The following DACH2 variants were observed in gnomAD, a reference collection of about 807,000 sequenced individuals.
DACH2 encodes dachshund family transcription factor 2.
DACH2 carries 17 observed loss-of-function variants against 35.8 expected under a neutral mutation model. The ratio of observed to expected loss-of-function variants is 0.48; its 90% confidence interval spans 0.33 to 0.71. The LOEUF (loss-of-function observed/expected upper bound fraction) is 0.71, where lower values mean the gene tolerates loss of function less well. Among genes scored for constraint, DACH2 ranks in the 30% least tolerant of loss-of-function variants. The probability of loss-of-function intolerance (pLI) is 0.02; values close to 1 mark genes in which losing one functional copy is unlikely to be tolerated. For synonymous variants in DACH2, 195 were observed against 177.3 expected (o/e 1.10, Z -0.79); for missense variants, 469 against 472.7 (o/e 0.99, Z 0.07).
chrX:86,416,120 T>C (rs2036699573), intron 2 of DACH2, among the ~76,000 whole-genome samples: 1 of 111,935 alleles, frequency 8.9e-6, no homozygotes, highest in Non-Finnish European at 1.9e-5. Context: ...CTGAAAAATA[T>C]ATGTTTAGGG....
intron 4 of DACH2, among the ~76,000 whole-genome samples, chrX:86,651,450 A>G (rs771590346): frequency 9.4e-6 from 1 of 106,528 alleles, no homozygotes; most frequent in East Asian, 3.5e-4. Context: ...CTGCCTGACA[A>G]AGACTGGTCC....
At chrX:86,174,295 A>G (rs948339265) in intron 1 of DACH2, among the ~76,000 whole-genome samples, 4 of 108,890 alleles carry the variant, frequency 3.7e-5, no homozygotes, top group African/African-American at 1.3e-4. Flanking sequence ...GGTAATTTAA[A>G]TAATTTATTT....
chrX:86,735,442 A>G (rs935997380), intron 6 of DACH2, among the ~76,000 whole-genome samples: 2 of 111,813 alleles, frequency 1.8e-5, no homozygotes, highest in African/African-American at 6.5e-5. Flanking sequence ...AATTTGATAA[A>G]ATGGGCAACA....
rs764390194 is a variant in DACH2 at position 86,813,191 on chromosome X, A to G, written c.1451A>G (p.Lys484Arg). 3 of 1,207,867 alleles carry G rather than the reference A, an allele frequency of 2.5e-6. No individual in the cohort carries two copies. Among genetic ancestry groups the G allele is most frequent in the Non-Finnish European group, 3.4e-6 (3 of 893,790 alleles). The change falls in exon 9 of 12, where the codon AAG (lysine) becomes AGG (arginine). Residue 484 changes from lysine (K) to arginine (R), a missense_variant. Lys to Arg is a conservative substitution (Grantham distance 26, BLOSUM62 2). Around this residue, in one of 3 missense-constraint regions of DACH2, gnomAD observed 363 missense variants for 334.4 expected, o/e 1.09. Transcript: ENST00000373125. Reference sequence around the variant, plus strand: ...CAGGAGAAGCAGATTCAACAAGAAAAGAAGGAGCTGCGACTGGAGCTCTAT... The same window carrying G: ...CAGGAGAAGCAGATTCAACAAGAAAGGAAGGAGCTGCGACTGGAGCTCTAT... ...RIQEKQIQQE[K>R]KELRLELYRE...
chrX:86,822,207 A>G (rs1374001986), intron 11 of DACH2, among the ~76,000 whole-genome samples: 1 of 112,313 alleles, frequency 8.9e-6, no homozygotes, highest in Non-Finnish European at 1.9e-5. Context: ...GCATTTTCAT[A>G]GAAGACTGTA....
chrX:86,711,138 G>T (rs976928999), intron 5 of DACH2, among the ~76,000 whole-genome samples: 1 of 112,117 alleles, frequency 8.9e-6, no homozygotes, highest in Non-Finnish European at 1.9e-5. Flanking sequence ...GACTTTGGGA[G>T]ACCGAGGCAG....
intron 4 of DACH2, among the ~76,000 whole-genome samples, chrX:86,664,274 T>C (rs187124934): frequency 2.7e-5 from 3 of 111,590 alleles, no homozygotes; most frequent in Admixed American, 9.6e-5. Context: ...TATTTTTGCT[T>C]TCTCAAGAGA....
intron 1 of DACH2, among the ~76,000 whole-genome samples, chrX:86,303,924 T>A (rs2034625099): frequency 9.0e-6 from 1 of 110,835 alleles, no homozygotes; most frequent in South Asian, 3.8e-4. Context: ...CTCAGAATAG[T>A]CAAAACAATC....
intron 3 of DACH2, among the ~76,000 whole-genome samples, chrX:86,560,397 G>T (rs2039196511): frequency 1.1e-5 from 1 of 91,172 alleles, no homozygotes; most frequent in South Asian, 5.7e-4. Context: ...TTCAACTTTG[G>T]TGAATCTGAC....
At chrX:86,252,630 T>A (rs1247903956) in intron 1 of DACH2, among the ~76,000 whole-genome samples, 1 of 111,389 alleles carries the variant, frequency 9.0e-6, no homozygotes, top group Non-Finnish European at 1.9e-5. Flanking sequence ...TTTTGTTTGC[T>A]CTGTCGAAGA....
intron 3 of DACH2, among the ~76,000 whole-genome samples, chrX:86,589,274 G>A (rs1028009990): frequency 9.1e-6 from 1 of 110,203 alleles, no homozygotes; most frequent in Non-Finnish European, 1.9e-5. Flanking sequence ...TTTGGGTCTC[G>A]ATTTTATTCA....
chrX:86,649,432 A>T (rs2040453042), intron 3 of DACH2, among the ~76,000 whole-genome samples: 1 of 111,041 alleles, frequency 9.0e-6, no homozygotes, highest in South Asian at 3.7e-4. Flanking sequence ...GGTGATCCTA[A>T]GCAATGTCCA....
At chrX:86,268,406 A>G (rs2033749110) in intron 1 of DACH2, among the ~76,000 whole-genome samples, 2 of 111,990 alleles carry the variant, frequency 1.8e-5, no homozygotes, top group Admixed American at 1.9e-4. Context: ...CAGATGAAGC[A>G]CAAAAAAGCA....
chrX:86,437,501 A>G (rs2037086962), intron 2 of DACH2, among the ~76,000 whole-genome samples: 1 of 111,519 alleles, frequency 9.0e-6, no homozygotes, highest in African/African-American at 3.3e-5. Context: ...CATAAGATCT[A>G]CTTTTTAAAT....
intron 3 of DACH2, among the ~76,000 whole-genome samples, chrX:86,580,414 T>G (rs62593324): frequency 0.05 from 5,537 of 110,897 alleles, 118 homozygotes; most frequent in Middle Eastern, 0.097. Flanking sequence ...GAAATAGAAT[T>G]CAGAATATGG....
chrX:86,748,901 C>A (rs1425965345), intron 7 of DACH2, among the ~76,000 whole-genome samples: 4 of 111,615 alleles, frequency 3.6e-5, no homozygotes, highest in Non-Finnish European at 7.5e-5. Context: ...ATGATCTTAG[C>A]TAGATTTTAT....
chrX:86,603,432 C>T (rs1218687251), intron 3 of DACH2, among the ~76,000 whole-genome samples: 1 of 109,776 alleles, frequency 9.1e-6, no homozygotes, highest in African/African-American at 3.3e-5. Context: ...TACATTCACC[C>T]CCATTCCAAC....
chrX:86,827,126 A>G (rs2042569366), intron 11 of DACH2, among the ~76,000 whole-genome samples: 1 of 111,931 alleles, frequency 8.9e-6, no homozygotes, highest in Admixed American at 9.5e-5. Context: ...AATGCATTTT[A>G]TTGTAAATAT....
intron 1 of DACH2, among the ~76,000 whole-genome samples, chrX:86,196,110 G>A (rs1453629295): frequency 9.0e-6 from 1 of 111,179 alleles, no homozygotes; most frequent in Non-Finnish European, 1.9e-5. Context: ...GACATAAACA[G>A]AATTAAGAAT....
Sources: allele counts gnomAD v4.1 joint callset (sites outside exome capture counted in the v4.1 genomes callset), GRCh38; gene constraint gnomAD v4.1.1; regional missense constraint gnomAD v4.1.1; transcripts MANE v1.5; gene names NCBI Gene and HGNC (gene_info 2026-07-23, HGNC 2026-07-21).